PCNX1: variants seen among roughly 807,000 people sequenced by gnomAD.
The protein encoded by PCNX1 is pecanex 1, also known as pecanex-like protein 1.
Under a neutral mutation model 242.2 loss-of-function variants are expected in PCNX1, and 78 were observed. The ratio of observed to expected loss-of-function variants is 0.32; its 90% CI spans 0.27 to 0.39. The LOEUF is 0.39. Ranked by LOEUF, PCNX1 falls within the 10% of genes least tolerant of loss-of-function variation. The pLI, the probability that PCNX1 is intolerant of heterozygous loss-of-function variation, is 1.00. For missense variants in PCNX1, 2,581 were observed against 2,856.5 expected (o/e 0.90, Z 2.20); for synonymous variants, 1,024 against 1,032.9 (o/e 0.99, Z 0.17).
At chr14:71,031,862 T>A (rs986647704) in intron 16 of PCNX1, 9 of 1,459,792 alleles carry the variant, frequency 6.2e-6, no homozygotes, top group Non-Finnish European at 7.7e-6. Context: ...ACACACTGTT[T>A]CAGCACTTTC....
chr14:70,972,124 T>C (rs936381336), intron 5 of PCNX1, among the ~76,000 whole-genome samples: 2 of 151,914 alleles, frequency 1.3e-5, no homozygotes, highest in African/African-American at 2.4e-5. Flanking sequence ...ACTAAGAAGA[T>C]AGGTTATGGA....
At chr14:71,046,852 A>G in intron 20 of PCNX1, 112 bp from the exon 21 acceptor site, 1 of 754,776 alleles carries the variant, frequency 1.3e-6, no homozygotes, top group Non-Finnish European at 2.0e-6. Flanking sequence ...GCTTTTTAAA[A>G]ACAGTTTATT....
At chr14:70,955,127 A>G (rs969352923) in intron 2 of PCNX1, among the ~76,000 whole-genome samples, 7 of 152,238 alleles carry the variant, frequency 4.6e-5, no homozygotes, top group Admixed American at 1.3e-4. Context: ...TTTTAGAGAA[A>G]GAATCAGTCA....
intron 28 of PCNX1, among the ~76,000 whole-genome samples, chr14:71,082,791 G>C (rs908362457): frequency 9.9e-5 from 15 of 151,974 alleles, no homozygotes; most frequent in African/African-American, 3.6e-4. Flanking sequence ...ATGAGTCTTG[G>C]CTCTATCCAG....
At chr14:71,008,518 T>C (rs2059729360) in intron 8 of PCNX1, among the ~76,000 whole-genome samples, 1 of 151,412 alleles carries the variant, frequency 6.6e-6, no homozygotes, top group Admixed American at 6.6e-5. Context: ...TAGCCGGGCG[T>C]GGTGGCGGGC....
At chr14:71,023,306 T>A in intron 13 of PCNX1, 74 bp downstream of exon 13, 4 of 1,216,754 alleles carry the variant, frequency 3.3e-6, no homozygotes, top group Non-Finnish European at 4.8e-6. Flanking sequence ...TTGTTTTTTG[T>A]TTTTTTGTTT....
At chr14:71,084,623 TC>T (rs749756375) in intron 28 of PCNX1, among the ~76,000 whole-genome samples, 59 of 152,160 alleles carry the variant, frequency 3.9e-4, no homozygotes, top group Non-Finnish European at 7.8e-4. Context: ...GGTTCAAACT[TC>T]CTGGCAGCTT....
rs996706118 is a variant in PCNX1 at position 71,108,118 on chromosome 14, A to G, written c.6302-486A>G. ...CACCTCCTCTTCCCCAGCCCCTGGC[A>G]ACCACCATTCTACTCTCTGCTTCTG... is the stretch of plus-strand genomic sequence containing the variant. On this transcript the variant is annotated intron_variant, in intron 33 of 35. Coordinates refer to ENST00000304743, the MANE Select transcript of PCNX1 (RefSeq NM_014982.3). Among the ~76,000 whole-genome samples, 20 of 152,314 alleles carry G rather than the reference A, an allele frequency of 1.3e-4. No individual in the cohort carries two copies. The East Asian group carries it at 1.7e-3, about 13-fold the overall frequency.
At chr14:71,012,597 C>T (rs1005235448) in intron 10 of PCNX1, 10 of 252,932 alleles carry the variant, frequency 4.0e-5, no homozygotes, top group African/African-American at 1.6e-4. Context: ...TTTGAGAGGC[C>T]GAGGCGGGTG....
At chr14:71,060,175 T>G (rs1487955048) in intron 26 of PCNX1, among the ~76,000 whole-genome samples, 1 of 152,234 alleles carries the variant, frequency 6.6e-6, no homozygotes, top group Non-Finnish European at 1.5e-5. Context: ...TTCCTGTTAG[T>G]GACATCGTAG....
chr14:71,012,268 C>T (rs1424268643), intron 10 of PCNX1: 2 of 153,092 alleles, frequency 1.3e-5, no homozygotes, highest in Non-Finnish European at 2.9e-5. Flanking sequence ...TCAGATTTAA[C>T]ACTGATAATG....
chr14:71,091,757 C>G (rs988089384), intron 30 of PCNX1, among the ~76,000 whole-genome samples: 1 of 152,148 alleles, frequency 6.6e-6, no homozygotes. Context: ...AACAAAGATG[C>G]AGTATTAAAT....
At chr14:70,989,348 C>T (rs1595153999) in intron 7 of PCNX1, among the ~76,000 whole-genome samples, 6 of 151,576 alleles carry the variant, frequency 4.0e-5, no homozygotes, top group Admixed American at 3.9e-4. Flanking sequence ...ATTACTTTTT[C>T]CAGTAGTCCT....
chr14:70,978,618 G>A lies in PCNX1; in HGVS notation c.2281G>A (p.Glu761Lys), dbSNP rs2058748601. The change falls in exon 6 of 36, where the codon GAA (glutamate) becomes AAA (lysine). Residue 761 changes from glutamate to lysine, a missense_variant. Glu to Lys is a moderately conservative substitution (Grantham distance 56). Transcript: ENST00000304743. ...CTTGCCAAACCAGGTTGCATTTCCTGAAGGGGAAGAGCAAGATGCAGTCAG... is the reference window on the plus strand; with the variant it reads ...CTTGCCAAACCAGGTTGCATTTCCTAAAGGGGAAGAGCAAGATGCAGTCAG... ...NSLPNQVAFPEGEEQDAVSGA... is the reference protein window; with the variant it reads ...NSLPNQVAFPKGEEQDAVSGA... 2.5e-6 allele frequency: 4 copies of A among 1,613,490 alleles called. No homozygotes were observed. In the East Asian group the frequency reaches 8.9e-5, roughly 36 times the overall value.
intron 1 of PCNX1, among the ~76,000 whole-genome samples, chr14:70,935,051 T>C (rs1412105418): frequency 6.6e-6 from 1 of 152,226 alleles, no homozygotes; most frequent in Non-Finnish European, 1.5e-5. Context: ...ACAGCACAGC[T>C]GTCCTTTGTC....
intron 29 of PCNX1, 43 bp downstream of exon 29, chr14:71,088,473 C>T: frequency 9.0e-7 from 1 of 1,113,140 alleles, no homozygotes; most frequent in Non-Finnish European, 1.4e-6. Context: ...GCATGGGAAG[C>T]TGTATAGCCT....
intron 8 of PCNX1, among the ~76,000 whole-genome samples, chr14:71,006,076 C>T (rs921814808): frequency 6.7e-6 from 1 of 149,134 alleles, no homozygotes; most frequent in Non-Finnish European, 1.5e-5. Context: ...GCACATGCCA[C>T]CACACCCAGC....
At chr14:71,058,804 G>C (rs899699811) in intron 26 of PCNX1, among the ~76,000 whole-genome samples, 4 of 152,190 alleles carry the variant, frequency 2.6e-5, no homozygotes, top group African/African-American at 4.8e-5. Context: ...CTTGTGATCT[G>C]TTTATAATCC....
At chr14:71,066,276 T>A (rs2061444948) in intron 26 of PCNX1, among the ~76,000 whole-genome samples, 1 of 152,232 alleles carries the variant, frequency 6.6e-6, no homozygotes. Context: ...GTTTATGTCC[T>A]CTCTTATTTC....
Sources: gnomAD v4.1 joint callset for allele counts (sites outside exome capture counted in the v4.1 genomes callset) on GRCh38, gnomAD v4.1.1 for gene constraint, MANE v1.5 for transcripts, NCBI Gene and HGNC (gene_info 2026-07-23, HGNC 2026-07-21) for gene names.